MICU2: variants seen among roughly 807,000 people sequenced by gnomAD.
The protein encoded by MICU2 is mitochondrial calcium uptake 2.
MICU2 carries 64 observed loss-of-function variants against 60.4 expected under a neutral mutation model. The ratio of observed to expected loss-of-function variants is 1.06; its 90% CI spans 0.87 to 1.31. The LOEUF (loss-of-function observed/expected upper bound fraction) is 1.31, where lower values mean the gene tolerates loss of function less well. Among genes scored for constraint, MICU2 ranks in the 50% most tolerant of loss-of-function variants. MICU2 has a pLI of 0.00. For synonymous variants in MICU2, 201 were observed against 175.0 expected, an observed-to-expected ratio of 1.15 and a Z score of -1.17; for missense variants, 569 against 531.0, an observed-to-expected ratio of 1.07 and a Z score of -0.70.
intron 2 of MICU2, among the ~76,000 whole-genome samples, chr13:21,542,578 C>G (rs979298753): frequency 6.6e-6 from 1 of 151,880 alleles, no homozygotes; most frequent in African/African-American, 2.4e-5. Context: ...GGGCAAAAAA[C>G]AGGAAAAAAG....
intron 2 of MICU2, among the ~76,000 whole-genome samples, chr13:21,560,119 C>T (rs1038500342): frequency 1.3e-5 from 2 of 152,006 alleles, no homozygotes; most frequent in African/African-American, 2.4e-5. Flanking sequence ...TTTTGGAAGT[C>T]TTTGGCTTAC....
chr13:21,510,247 G>A lies in MICU2; in HGVS notation c.664-146C>T, dbSNP rs1267998541. 3 of 397,726 alleles carry A rather than the reference G, an allele frequency of 7.5e-6. 1 individual carries two copies. 24.6% of individuals were successfully genotyped at this position (397,726 alleles called of 1,614,324 possible). A position where few individuals can be genotyped will look rare whatever the true frequency, so the allele number is the denominator to read the frequency against. Reference sequence around the variant, plus strand: ...ACAAAAGTTGTAAAAGAGGGATAGAGCCATTCCTTCTGTTATTTTGCATAA... The same window carrying A: ...ACAAAAGTTGTAAAAGAGGGATAGAACCATTCCTTCTGTTATTTTGCATAA... On this transcript the variant is annotated intron_variant, in intron 7 of 11. Transcript: ENST00000382374.
chr13:21,514,468 A>G (rs1416616120), intron 6 of MICU2, 50 bp from the exon 7 acceptor site: 5 of 1,334,482 alleles, frequency 3.7e-6, no homozygotes, highest in Non-Finnish European at 5.3e-6. Flanking sequence ...CAGATTTTTC[A>G]AAACAACCTA....
chr13:21,512,702 G>A (rs1331168416), intron 7 of MICU2, among the ~76,000 whole-genome samples: 4 of 151,890 alleles, frequency 2.6e-5, no homozygotes, highest in Admixed American at 2.0e-4. Flanking sequence ...GCCCACCTCC[G>A]CCTCCCAAAA....
chr13:21,577,768 G>A (rs949343069), intron 1 of MICU2, among the ~76,000 whole-genome samples: 15 of 140,164 alleles, frequency 1.1e-4, no homozygotes, highest in African/African-American at 3.3e-4. Flanking sequence ...TCATGCCACT[G>A]CACTCCAGCC....
chr13:21,562,441 ATTTT>A (rs34097809), intron 2 of MICU2, among the ~76,000 whole-genome samples: 16 of 151,796 alleles, frequency 1.1e-4, no homozygotes, highest in Middle Eastern at 3.4e-3. Flanking sequence ...GTTTTGTTTC[ATTTT>A]TTTTGTCTTC....
At chr13:21,573,844 G>A (rs1296867585) in intron 1 of MICU2, among the ~76,000 whole-genome samples, 2 of 152,040 alleles carry the variant, frequency 1.3e-5, no homozygotes, top group Admixed American at 6.6e-5. Context: ...GTACAAGGTG[G>A]GTAACAGCAC....
chr13:21,550,749 G>A (rs1177935987), intron 2 of MICU2, among the ~76,000 whole-genome samples: 2 of 151,650 alleles, frequency 1.3e-5, no homozygotes, highest in African/African-American at 4.8e-5. Flanking sequence ...TATGTGCCAG[G>A]TACTCTGCTC....
At chr13:21,598,476 G>C (rs1888743430) in intron 1 of MICU2, among the ~76,000 whole-genome samples, 1 of 152,122 alleles carries the variant, frequency 6.6e-6, no homozygotes, top group Non-Finnish European at 1.5e-5. Flanking sequence ...AGAACTTTAG[G>C]AGGCTGAGGC....
chr13:21,525,181 A>ATTTTTTTTTTTTTTTTTTTTTTT (rs71093324), intron 4 of MICU2, among the ~76,000 whole-genome samples: 1 of 83,300 alleles, frequency 1.2e-5, no homozygotes, highest in African/African-American at 5.2e-5. Context: ...GTGTAATTCA[A>ATTTTTTTTTTTTTTTTTTTTTTT]TTTTTTTTTT....
At chr13:21,523,610 A>T (rs1886779688) in intron 4 of MICU2, among the ~76,000 whole-genome samples, 1 of 152,216 alleles carries the variant, frequency 6.6e-6, no homozygotes, top group South Asian at 2.1e-4. Flanking sequence ...TTGCCTCTGC[A>T]AGTAAATGCT....
chr13:21,603,768 G>A (rs1428290476), intron 1 of MICU2, 171 bp downstream of exon 1: 13 of 710,174 alleles, frequency 1.8e-5, no homozygotes, highest in African/African-American at 3.8e-5. Flanking sequence ...CTCAGGCCGG[G>A]GGCCGGTCCA....
intron 4 of MICU2, among the ~76,000 whole-genome samples, chr13:21,526,204 T>C (rs909123550): frequency 6.8e-6 from 1 of 146,162 alleles, no homozygotes; most frequent in East Asian, 2.0e-4. Context: ...TGCTCCTGCC[T>C]CAGCCTCCCA....
At chr13:21,599,587 A>G (rs2031274) in intron 1 of MICU2, among the ~76,000 whole-genome samples, 122,288 of 152,244 alleles carry the variant, frequency 0.8, 50,328 homozygotes, top group East Asian at 1. Flanking sequence ...TTGGCCAGGT[A>G]TAACAACACC....
chr13:21,523,215 A>G (rs1158861244), intron 4 of MICU2, among the ~76,000 whole-genome samples: 1 of 152,200 alleles, frequency 6.6e-6, no homozygotes, highest in Non-Finnish European at 1.5e-5. Context: ...ATGGCAGATC[A>G]TGGGACTTCT....
At chr13:21,522,360 T>G (rs1272902775) in intron 5 of MICU2, among the ~76,000 whole-genome samples, 2 of 152,182 alleles carry the variant, frequency 1.3e-5, no homozygotes, top group Non-Finnish European at 1.5e-5. Flanking sequence ...AGACTACCAC[T>G]ATGATTCTCT....
At chr13:21,561,361 T>A (rs1593345455) in intron 2 of MICU2, among the ~76,000 whole-genome samples, 2 of 152,190 alleles carry the variant, frequency 1.3e-5, no homozygotes, top group African/African-American at 4.8e-5. Flanking sequence ...GTTTTCTGTC[T>A]GCTGAATCTG....
chr13:21,494,786 C>T (rs1282159959), intron 11 of MICU2, among the ~76,000 whole-genome samples: 2 of 152,070 alleles, frequency 1.3e-5, no homozygotes, highest in Non-Finnish European at 2.9e-5. Flanking sequence ...GCTCGGCCTC[C>T]CACAATGTGC....
chr13:21,587,592 G>C (rs910867888), intron 1 of MICU2, among the ~76,000 whole-genome samples: 1 of 152,220 alleles, frequency 6.6e-6, no homozygotes. Flanking sequence ...AACTGCAAAT[G>C]CAAGTAGGCA....
Sources: gnomAD v4.1 joint callset for allele counts (sites outside exome capture counted in the v4.1 genomes callset) on GRCh38, gnomAD v4.1.1 for gene constraint, MANE v1.5 for transcripts, NCBI Gene and HGNC (gene_info 2026-07-23, HGNC 2026-07-21) for gene names.